The following RUSF1 variants were observed in gnomAD, a reference collection of about 807,000 sequenced individuals.
RUSF1 encodes the protein RUS family member 1, also known as RUS1 family protein C16orf58.
In RUSF1, 58 loss-of-function variants were observed where a neutral mutation model predicts 63.0. That is an observed-to-expected ratio of 0.92 (90% CI 0.75 to 1.15). RUSF1 has a LOEUF of 1.15. RUSF1 is among the 50% of genes most tolerant of loss of function. The probability of loss-of-function intolerance (pLI) is 0.00; values close to 1 mark genes in which losing one functional copy is unlikely to be tolerated. For missense variants in RUSF1, 652 were observed against 611.0 expected, an observed-to-expected ratio of 1.07 and a Z score of -0.71; for synonymous variants, 274 against 255.8, an observed-to-expected ratio of 1.07 and a Z score of -0.68.
intron 2 of RUSF1, among the ~76,000 whole-genome samples, chr16:31,502,757 C>T (rs574809869): frequency 3.9e-5 from 6 of 152,334 alleles, no homozygotes; most frequent in South Asian, 2.1e-4. Flanking sequence ...ATTATATTCT[C>T]GGCAAAATCA....
In RUSF1 at chr16:31,492,191, A is replaced by C. The variant is rs1278302325; in HGVS notation, c.1231+6T>G. ...GCATCAGCAGTCTAAATCTTGAGGCACTTACCTGCCCGCACCCGGTTCCTC... is the reference window on the plus strand; with the variant it reads ...GCATCAGCAGTCTAAATCTTGAGGCCCTTACCTGCCCGCACCCGGTTCCTC... On this transcript the variant is annotated splice_donor_region_variant and intron_variant, in intron 11 of 12. Coordinates refer to ENST00000327237, the MANE Select transcript of RUSF1 (RefSeq NM_022744.4). 1.9e-6 allele frequency: 3 copies of C among 1,609,930 alleles called. No homozygotes were observed. Among genetic ancestry groups the C allele is most frequent in the Non-Finnish European group, 2.5e-6 (3 of 1,177,386 alleles).
Position 31,490,737 on chromosome 16 carries a change from C to CA in RUSF1, c.*97_*98insT, listed in dbSNP as rs1343081690. 2 of 1,406,562 alleles carry CA rather than the reference C, an allele frequency of 1.4e-6. No individual in the cohort carries two copies. The highest frequency in any genetic ancestry group is 3.4e-5 in the Admixed American group (2 of 58,476). The allele number at this position is 1,406,562 out of a possible 1,614,324, so 87.1% of individuals were successfully genotyped here. A position where few individuals can be genotyped will look rare whatever the true frequency, so the allele number is the denominator to read the frequency against. The stretch of plus-strand genomic sequence containing the variant: ...GGCCTGGCCCACCCGCTGCAGTTGC[C>CA]CTAAGGAAAAATAAAGCTGCCTTTC... On this transcript the variant is annotated 3_prime_UTR_variant, in exon 13 of 13. Coordinates refer to ENST00000327237, the MANE Select transcript of RUSF1 (RefSeq NM_022744.4).
chr16:31,493,296 T>A (rs771638323), intron 9 of RUSF1, 171 bp downstream of exon 9: 3 of 968,604 alleles, frequency 3.1e-6, no homozygotes, highest in Non-Finnish European at 4.8e-6. Flanking sequence ...ATCTGCTTCA[T>A]GTTATACACC....
rs1035297390 is a variant in RUSF1, at chr16:31,489,948, T to C, written c.*887A>G. On this transcript the variant is annotated 3_prime_UTR_variant, in exon 13 of 13. Coordinates refer to ENST00000327237, the MANE Select transcript of RUSF1 (RefSeq NM_022744.4). ...TTATCCCGAGGGCACAGGGCAGCCA[T>C]GTAGGGTGGAGTTGGCATGAGTTAA... is the stretch of plus-strand genomic sequence containing the variant. 5.4e-6 allele frequency: 5 copies of C among 926,998 alleles called. No individual in the cohort carries two copies. Among genetic ancestry groups the C allele is most frequent in the African/African-American group, 4.9e-5 (3 of 61,154 alleles). 57.4% of individuals were successfully genotyped at this position (926,998 alleles called of 1,614,324 possible).
chr16:31,499,467 C>G, intron 4 of RUSF1, 26 bp downstream of exon 4: 1 of 1,605,418 alleles, frequency 6.2e-7, no homozygotes, highest in Non-Finnish European at 8.5e-7. Context: ...GGAAGACTCC[C>G]CTCCCCCGTC....
chr16:31,498,693 C>T (rs2082617140), intron 5 of RUSF1, among the ~76,000 whole-genome samples: 1 of 152,186 alleles, frequency 6.6e-6, no homozygotes, highest in Admixed American at 6.5e-5. Flanking sequence ...CCCCAGCTCA[C>T]TGTGCGGTCT....
At chr16:31,504,728 C>G (rs933491365) in intron 2 of RUSF1, among the ~76,000 whole-genome samples, 6 of 152,210 alleles carry the variant, frequency 3.9e-5, no homozygotes, top group Non-Finnish European at 8.8e-5. Flanking sequence ...CAGACTGTTA[C>G]TGTGTCTATG....
At position 31,493,729 on chromosome 16, in the gene RUSF1, C is replaced by T. The variant is rs749101596; in HGVS notation, c.832G>A (p.Ala278Thr). The T allele has an allele frequency of 4.0e-5, 65 of 1,614,074 alleles. No individual in the cohort carries two copies. Among genetic ancestry groups the T allele is most frequent in the African/African-American group, 6.7e-5 (5 of 74,916 alleles). Reference protein sequence around the residue: ...TALHIYANYRAVRALVMETLN... With the variant: ...TALHIYANYRTVRALVMETLN... Reference sequence around the variant, plus strand: ...GTCTCCATGACCAGGGCTCGGACCGCGCGGTAGTTGGCGTAGATGTGGAGG... The same window carrying T: ...GTCTCCATGACCAGGGCTCGGACCGTGCGGTAGTTGGCGTAGATGTGGAGG... Residue 278 changes from alanine (A) to threonine (T), a missense_variant, in exon 8 of 13, where the codon GCG becomes ACG. Physicochemically the swap from Ala to Thr is moderately conservative, Grantham distance 58 (BLOSUM62 0). Transcript: ENST00000327237.
At chr16:31,499,187 C>T in intron 5 of RUSF1, 115 bp downstream of exon 5, 1 of 966,250 alleles carries the variant, frequency 1.0e-6, no homozygotes, top group Non-Finnish European at 1.6e-6. Context: ...CGAGTAGAAA[C>T]ATCTGAACTT....
At position 31,493,945 on chromosome 16, in the gene RUSF1, T is replaced by C. The variant is rs1294546835; in HGVS notation, c.703-9A>G. ...AGGTTCACCAGCGTCTCCTGGAAAA[T>C]GGCAGAGGGAGAAGGAGTTGGAAGG... On this transcript the variant is annotated splice_polypyrimidine_tract_variant and intron_variant, in intron 6 of 12. Coordinates refer to ENST00000327237, the MANE Select transcript of RUSF1 (RefSeq NM_022744.4). 1.2e-5 allele frequency: 19 copies of C among 1,613,704 alleles called. No homozygotes were observed. The South Asian group carries it at 1.2e-4, about 10-fold the overall frequency.
chr16:31,497,627 G>A (rs759405873), intron 5 of RUSF1, among the ~76,000 whole-genome samples: 25 of 152,278 alleles, frequency 1.6e-4, no homozygotes, highest in Admixed American at 4.6e-4. Flanking sequence ...GTGAGCCACC[G>A]CCCCTGGCTG....
rs1340750835 is a variant in RUSF1, at chr16:31,492,070, G to A, written c.1248C>T (p.Ser416=). 1.2e-6 allele frequency: 2 copies of A among 1,614,166 alleles called. No homozygotes were observed. Among genetic ancestry groups the A allele is most frequent in the Middle Eastern group, 3.3e-4 (2 of 6,062 alleles). ...CGTGTGTCTCCTTGACGACGACCCA[G>A]CTCTCTTTCTTAGGACCTGGGTACG... is the stretch of plus-strand genomic sequence containing the variant. ...NRVRAGPKKE[S]WVVVKETHEV... is the part of the protein sequence containing the mutation. The change falls in exon 12 of 13, where the codon AGC becomes AGT. Residue 416 remains serine (S), a synonymous_variant. Coordinates refer to ENST00000327237, the MANE Select transcript of RUSF1 (RefSeq NM_022744.4).
In RUSF1 at chr16:31,493,596, G is replaced by C. The variant is rs1475516145; in HGVS notation, c.958+7C>G. On this transcript the variant is annotated splice_region_variant and intron_variant, in intron 8 of 12. Coordinates refer to ENST00000327237, the MANE Select transcript of RUSF1 (RefSeq NM_022744.4). The stretch of plus-strand genomic sequence containing the variant: ...GACACAGGACCCGAGACCAGGGGCA[G>C]GGTCACCTGTCCACAGCGGCTCCAT... The C allele has an allele frequency of 6.2e-7, 1 of 1,614,228 alleles. No individual in the cohort carries two copies. The highest frequency in any genetic ancestry group is 1.7e-5 in the Admixed American group (1 of 60,026).
rs749342112 is a variant in RUSF1 at position 31,508,386 on chromosome 16, G to C, written c.-13C>G. On this transcript the variant is annotated 5_prime_UTR_variant, in exon 1 of 13. The change creates a new upstream start codon in the 5' untranslated region. Transcript: ENST00000327237. ...CGTCGTCAGCCATGCCGAGCTTTTG[G>C]ATCCCAGCCCCGCCCCTGCCGCACG... is the stretch of plus-strand genomic sequence containing the variant. 2 of 1,487,372 alleles carry C rather than the reference G, an allele frequency of 1.3e-6. No homozygotes were observed. Among genetic ancestry groups the C allele is most frequent in the Admixed American group, 2.7e-5 (1 of 37,478 alleles). 92.1% of individuals were successfully genotyped at this position (1,487,372 alleles called of 1,614,324 possible).
At chr16:31,504,776 T>C (rs2082649909) in intron 2 of RUSF1, among the ~76,000 whole-genome samples, 1 of 152,226 alleles carries the variant, frequency 6.6e-6, no homozygotes, top group South Asian at 2.1e-4. Context: ...TTTTGATCTG[T>C]ACTAAGAAAA....
chr16:31,497,626 C>T (rs779289519), intron 5 of RUSF1, among the ~76,000 whole-genome samples: 6 of 152,194 alleles, frequency 3.9e-5, no homozygotes, highest in Non-Finnish European at 7.3e-5. Context: ...CGTGAGCCAC[C>T]GCCCCTGGCT....
chr16:31,496,629 G>GA (rs2082604438), intron 6 of RUSF1, among the ~76,000 whole-genome samples: 1 of 152,200 alleles, frequency 6.6e-6, no homozygotes, highest in South Asian at 2.1e-4. Flanking sequence ...GGGCAAGGCT[G>GA]AGGGCTTGCT....
Position 31,507,983 on chromosome 16 carries a change from G to A in RUSF1, c.300+91C>T, listed in dbSNP as rs2082669974. 3.3e-6 allele frequency: 5 copies of A among 1,536,922 alleles called. No individual in the cohort carries two copies. The South Asian group carries it at 3.6e-5, about 11-fold the overall frequency. On this transcript the variant is annotated intron_variant, in intron 1 of 12. Coordinates refer to ENST00000327237, the MANE Select transcript of RUSF1 (RefSeq NM_022744.4). ...GTGTATGAGGCATGTCAGACCCCCC[G>A]CCCCCCGGGCTCCGAGTCTCAGTCA...
chr16:31,508,045 T>G, intron 1 of RUSF1, 29 bp downstream of exon 1: 1 of 1,584,182 alleles, frequency 6.3e-7, no homozygotes, highest in Non-Finnish European at 8.6e-7. Flanking sequence ...TGGCCTGCAC[T>G]GTCCTCTGCC....
Sources: gnomAD v4.1 joint callset for allele counts (sites outside exome capture counted in the v4.1 genomes callset) on GRCh38, gnomAD v4.1.1 for gene constraint, MANE v1.5 for transcripts, NCBI Gene and HGNC (gene_info 2026-07-23, HGNC 2026-07-21) for gene names.